Variants in FRYL observed in about 807,000 individuals in gnomAD.
FRYL encodes the protein FRY like transcription coactivator, also known as protein furry homolog-like.
A neutral mutation model predicts 351.2 loss-of-function variants in FRYL; 150 were observed. The ratio of observed to expected loss-of-function variants is 0.43; its 90% CI spans 0.37 to 0.49. FRYL has a LOEUF of 0.49. FRYL is among the 20% of genes least tolerant of loss of function. The pLI, the probability that FRYL is intolerant of heterozygous loss-of-function variation, is 0.00. For synonymous variants in FRYL, 1,153 were observed against 1,257.1 expected (o/e 0.92, Z 1.75); for missense variants, 3,036 against 3,619.3 (o/e 0.84, Z 4.13).
intron 56 of FRYL, 129 bp downstream of exon 56, chr4:48,514,899 A>C (rs1393312718): frequency 5.1e-6 from 4 of 778,726 alleles, no homozygotes; most frequent in Non-Finnish European, 8.0e-6. Context: ...TAAAACACAC[A>C]AAGTATGATT....
At chr4:48,775,688 C>A (rs1477026112) in intron 1 of FRYL, among the ~76,000 whole-genome samples, 1 of 152,128 alleles carries the variant, frequency 6.6e-6, no homozygotes, top group Non-Finnish European at 1.5e-5. Flanking sequence ...AGTCTCAAAG[C>A]AATTTTTAAT....
At chr4:48,715,810 T>C (rs1193763212) in intron 1 of FRYL, among the ~76,000 whole-genome samples, 23 of 152,300 alleles carry the variant, frequency 1.5e-4, no homozygotes, top group Non-Finnish European at 5.9e-5. Context: ...AGAGCCCGCA[T>C]CGCCAAGTCA....
At chr4:48,507,468 G>T (rs1376053083) in intron 59 of FRYL, among the ~76,000 whole-genome samples, 1 of 152,026 alleles carries the variant, frequency 6.6e-6, no homozygotes, top group Non-Finnish European at 1.5e-5. Flanking sequence ...ATAAAAGAAA[G>T]AAAGACCAAT....
rs1412440779 is a variant in FRYL, at chr4:48,498,236, A to C, written c.*1186T>G. ...ATTTCCCCTAGCCCCAGGTTTCTTT[A>C]GGGTAAAGCATGTGAGTCCTGAATA... On this transcript the variant is annotated 3_prime_UTR_variant, in exon 64 of 64. Coordinates refer to ENST00000358350, the MANE Select transcript of FRYL (RefSeq NM_015030.2). The C allele has an allele frequency of 6.6e-6, 1 of 152,102 alleles. No individual in the cohort carries two copies. The highest frequency in any genetic ancestry group is 1.5e-5 in the Non-Finnish European group (1 of 68,006). 9.4% of individuals were successfully genotyped at this position (152,102 alleles called of 1,614,324 possible). A position where few individuals can be genotyped will look rare whatever the true frequency, so the allele number is the denominator to read the frequency against.
chr4:48,522,849 G>T, intron 54 of FRYL, 52 bp downstream of exon 54: 1 of 1,341,680 alleles, frequency 7.5e-7, no homozygotes, highest in Non-Finnish European at 1.1e-6. Flanking sequence ...GAAGTTGGAA[G>T]TTAAGAGGAA....
chr4:48,623,201 A>T (rs561155691), intron 4 of FRYL, 22 bp from the exon 5 acceptor site: 4 of 1,178,702 alleles, frequency 3.4e-6, no homozygotes, highest in Non-Finnish European at 4.8e-6. Context: ...AAAAACAAAC[A>T]TTAAAAATAA....
intron 2 of FRYL, among the ~76,000 whole-genome samples, chr4:48,705,250 C>G (rs1207710476): frequency 1.3e-5 from 2 of 151,596 alleles, no homozygotes; most frequent in Non-Finnish European, 2.9e-5. Flanking sequence ...TTATATTATA[C>G]CATTTATAAT....
rs1339848322 is a variant in FRYL at position 48,567,842 on chromosome 4, CTATT to C, written c.2997-426_2997-423del. 6.6e-6 allele frequency among the ~76,000 whole-genome samples: 1 copy of C among 152,200 alleles called. No homozygotes were observed. Among genetic ancestry groups the C allele is most frequent in the African/African-American group, 2.4e-5 (1 of 41,450 alleles). On this transcript the variant is annotated intron_variant, in intron 27 of 63. Coordinates refer to ENST00000358350, the MANE Select transcript of FRYL (RefSeq NM_015030.2). This position sits in a 1 kb window ranked among gnomAD's most constrained non-coding sequence, Gnocchi z 4.2. ...TTGTGCCTTCAGCATAATTAAATAT[CTATT>C]AGTCACTTAGTAACATTCTGGGATA... is the stretch of plus-strand genomic sequence containing the variant.
At chr4:48,622,297 A>G (rs1367882515) in intron 5 of FRYL, among the ~76,000 whole-genome samples, 1 of 152,238 alleles carries the variant, frequency 6.6e-6, no homozygotes, top group Non-Finnish European at 1.5e-5. Context: ...AAAGCACTGT[A>G]TAAGGTGATC....
At chr4:48,645,030 A>G (rs546405969) in intron 3 of FRYL, among the ~76,000 whole-genome samples, 2 of 150,366 alleles carry the variant, frequency 1.3e-5, no homozygotes, top group South Asian at 2.1e-4. Flanking sequence ...GCAATTCAAC[A>G]TAACAGCAAG....
chr4:48,538,896 A>G (rs1479939093), intron 47 of FRYL, among the ~76,000 whole-genome samples: 1 of 152,118 alleles, frequency 6.6e-6, no homozygotes, highest in East Asian at 1.9e-4. Context: ...AGACTCAATG[A>G]CTGACTGAAA....
intron 1 of FRYL, among the ~76,000 whole-genome samples, chr4:48,771,880 G>A (rs527970244): frequency 1.3e-5 from 2 of 152,168 alleles, no homozygotes; most frequent in Non-Finnish European, 2.9e-5. Context: ...CTATGGGCAG[G>A]CATAATGAGA....
At chr4:48,741,336 C>T (rs558835073) in intron 1 of FRYL, among the ~76,000 whole-genome samples, 3 of 152,090 alleles carry the variant, frequency 2.0e-5, no homozygotes, top group East Asian at 1.9e-4. Context: ...GAAATCAGAT[C>T]GAGACCATCC....
At chr4:48,722,626 C>T (rs1165308953) in intron 1 of FRYL, among the ~76,000 whole-genome samples, 1 of 152,164 alleles carries the variant, frequency 6.6e-6, no homozygotes, top group Non-Finnish European at 1.5e-5. Context: ...GTACAAAAAA[C>T]GTTAGTAATA....
At chr4:48,726,488 C>T (rs1770102735) in intron 1 of FRYL, among the ~76,000 whole-genome samples, 1 of 152,048 alleles carries the variant, frequency 6.6e-6, no homozygotes, top group Admixed American at 6.5e-5. Flanking sequence ...TTGAGACCAG[C>T]CTGGCCAACA....
intron 36 of FRYL, among the ~76,000 whole-genome samples, chr4:48,552,325 T>C (rs1733042758): frequency 6.6e-6 from 1 of 151,852 alleles, no homozygotes; most frequent in Non-Finnish European, 1.5e-5. Context: ...GAAAGAGTTT[T>C]CTCTAGGGAA....
chr4:48,763,550 C>G (rs1774630292), intron 1 of FRYL, among the ~76,000 whole-genome samples: 1 of 152,050 alleles, frequency 6.6e-6, no homozygotes, highest in South Asian at 2.1e-4. Context: ...AAGTGGAGTA[C>G]ATGTACCCCT....
chr4:48,653,313 T>C (rs1758111746), intron 3 of FRYL, among the ~76,000 whole-genome samples: 1 of 152,212 alleles, frequency 6.6e-6, no homozygotes, highest in Admixed American at 6.5e-5. Context: ...ATAGCTGATG[T>C]TGATTCAAAC....
At chr4:48,583,764 G>A (rs190387752) in intron 19 of FRYL, among the ~76,000 whole-genome samples, 8 of 152,052 alleles carry the variant, frequency 5.3e-5, no homozygotes, top group African/African-American at 1.9e-4. Flanking sequence ...CATTAACCAG[G>A]CGTGGTGGTG....
Sources: allele counts gnomAD v4.1 joint callset (sites outside exome capture counted in the v4.1 genomes callset), GRCh38; gene constraint gnomAD v4.1.1; non-coding constraint Gnocchi (gnomAD v3.1); transcripts MANE v1.5; gene names NCBI Gene and HGNC (gene_info 2026-07-23, HGNC 2026-07-21).